The following ACOXL variants were observed in gnomAD, a reference collection of about 807,000 sequenced individuals.
ACOXL encodes the protein acyl-coenzyme A oxidase-like protein.
ACOXL carries 70 observed loss-of-function variants against 71.9 expected under a neutral mutation model. The ratio of observed to expected loss-of-function variants is 0.97; its 90% CI spans 0.80 to 1.19. The LOEUF is 1.19. Ranked by LOEUF, ACOXL falls within the 50% of genes most tolerant of loss-of-function variation. The pLI is 0.00. For missense variants in ACOXL, 703 were observed against 736.3 expected, an observed-to-expected ratio of 0.95 and a Z score of 0.52; for synonymous variants, 253 against 281.6, an observed-to-expected ratio of 0.90 and a Z score of 1.02.
chr2:111,020,454 C>G (rs1473011339), intron 14 of ACOXL, among the ~76,000 whole-genome samples: 3 of 152,132 alleles, frequency 2.0e-5, no homozygotes, highest in South Asian at 4.1e-4. Context: ...TTCTTGAAAC[C>G]AGGAGGAGGT....
At chr2:110,867,136 TTAGGTGCGACTGGAGAA>T (rs1694704928) in intron 10 of ACOXL, among the ~76,000 whole-genome samples, 1 of 151,956 alleles carries the variant, frequency 6.6e-6, no homozygotes, top group Non-Finnish European at 1.5e-5. Context: ...TGCTGGGAAG[TTAGGTGCGACTGGAGAA>T]TAAGGCCCTG....
At chr2:110,969,502 C>T (rs746535285) in intron 12 of ACOXL, among the ~76,000 whole-genome samples, 99 of 152,012 alleles carry the variant, frequency 6.5e-4, no homozygotes, top group Non-Finnish European at 1.1e-3. Flanking sequence ...ATCTAGAGAT[C>T]ATGAAGTCAT....
intron 11 of ACOXL, among the ~76,000 whole-genome samples, chr2:110,915,525 G>A (rs1192692042): frequency 6.7e-6 from 1 of 149,714 alleles, no homozygotes; most frequent in African/African-American, 2.5e-5. Flanking sequence ...CCAGGTTCAA[G>A]CAATTCTCCT....
chr2:110,897,608 C>T (rs181760067), intron 10 of ACOXL, among the ~76,000 whole-genome samples: 1 of 152,194 alleles, frequency 6.6e-6, no homozygotes, highest in East Asian at 1.9e-4. Flanking sequence ...TTAGGCCTCA[C>T]CTCCCAACAC....
intron 12 of ACOXL, among the ~76,000 whole-genome samples, chr2:110,970,008 C>A (rs1236337025): frequency 6.6e-6 from 1 of 152,024 alleles, no homozygotes; most frequent in Non-Finnish European, 1.5e-5. Flanking sequence ...AAAAATAAAT[C>A]TCCTGGCCTT....
chr2:110,811,109 T>G (rs1687263018), intron 9 of ACOXL, among the ~76,000 whole-genome samples: 1 of 152,152 alleles, frequency 6.6e-6, no homozygotes, highest in South Asian at 2.1e-4. Flanking sequence ...AGATGAGATT[T>G]GGGGGGAACA....
At chr2:110,964,762 T>TC (rs1418900260) in intron 12 of ACOXL, among the ~76,000 whole-genome samples, 1 of 152,248 alleles carries the variant, frequency 6.6e-6, no homozygotes, top group Non-Finnish European at 1.5e-5. Flanking sequence ...TGTATAATGA[T>TC]CAAGCCAGAG....
At chr2:111,103,590 G>T (rs2150058198) in intron 17 of ACOXL, among the ~76,000 whole-genome samples, 1 of 152,284 alleles carries the variant, frequency 6.6e-6, no homozygotes, top group East Asian at 1.9e-4. Flanking sequence ...GGGGATGCAG[G>T]TGTCCTATTA....
chr2:110,770,578 C>G (rs370187631), intron 2 of ACOXL, among the ~76,000 whole-genome samples: 1 of 152,202 alleles, frequency 6.6e-6, no homozygotes, highest in African/African-American at 2.4e-5. Flanking sequence ...CGTAAAAAAT[C>G]ATTTCATACC....
chr2:111,079,318 A>G (rs1229014877), intron 16 of ACOXL, among the ~76,000 whole-genome samples: 2 of 152,136 alleles, frequency 1.3e-5, no homozygotes, highest in African/African-American at 2.4e-5. Context: ...GTGTATATAC[A>G]TTATTTAGTT....
chr2:110,887,579 T>C (rs10196268), intron 10 of ACOXL: 47,473 of 152,292 alleles, frequency 0.31, 7,767 homozygotes, highest in Middle Eastern at 0.38. Flanking sequence ...CACAGCCACC[T>C]GAGTAGCTGG....
rs186956079 is a variant in ACOXL, at chr2:110,807,479, G to A, written c.753+2084G>A. ...CATGAAACAAATGCTGGGTACCCTC[G>A]CCTCCAAGTAACAAGGCAATGTGCA... On this transcript the variant is annotated intron_variant, in intron 9 of 17. Transcript: ENST00000439055. Among the ~76,000 whole-genome samples the A allele has an allele frequency of 1.1e-3, 174 of 152,272 alleles. 1 individual carries two copies. The highest frequency in any genetic ancestry group is 4.0e-3 in the African/African-American group (165 of 41,558).
At chr2:110,950,952 G>A (rs1272456899) in intron 12 of ACOXL, among the ~76,000 whole-genome samples, 1 of 152,016 alleles carries the variant, frequency 6.6e-6, no homozygotes, top group African/African-American at 2.4e-5. Flanking sequence ...GCACCTCTTG[G>A]TGTCTGCCCA....
At chr2:110,801,440 G>A (rs1685980247) in intron 7 of ACOXL, among the ~76,000 whole-genome samples, 1 of 152,160 alleles carries the variant, frequency 6.6e-6, no homozygotes, top group Non-Finnish European at 1.5e-5. Flanking sequence ...CTCCACTCTC[G>A]CTAAGGAGGA....
intron 11 of ACOXL, among the ~76,000 whole-genome samples, chr2:110,931,667 A>G (rs1434016263): frequency 6.6e-6 from 1 of 152,212 alleles, no homozygotes; most frequent in Non-Finnish European, 1.5e-5. Flanking sequence ...CAACAACTCT[A>G]TGAAATAGGA....
intron 9 of ACOXL, among the ~76,000 whole-genome samples, chr2:110,840,552 G>C (rs1691036085): frequency 6.6e-6 from 1 of 152,184 alleles, no homozygotes; most frequent in South Asian, 2.1e-4. Flanking sequence ...GGCTCTGACA[G>C]TTTCAATAAC....
intron 12 of ACOXL, among the ~76,000 whole-genome samples, chr2:110,982,898 C>G (rs1421612870): frequency 6.6e-6 from 1 of 152,190 alleles, no homozygotes; most frequent in Admixed American, 6.5e-5. Flanking sequence ...GTTCAGTGCT[C>G]TGTTCTCATC....
chr2:110,900,123 ACACACACTT>A (rs1168123963), intron 10 of ACOXL, among the ~76,000 whole-genome samples: 1 of 108,866 alleles, frequency 9.2e-6, no homozygotes, highest in East Asian at 2.8e-4. Flanking sequence ...ACACACACAC[ACACACACTT>A]CTTCTAAAAA....
intron 14 of ACOXL, among the ~76,000 whole-genome samples, chr2:111,024,906 A>C (rs914013155): frequency 6.0e-5 from 9 of 149,416 alleles, no homozygotes; most frequent in Non-Finnish European, 8.9e-5. Context: ...TAAATGTATA[A>C]TAATATATAT....
Sources: allele counts gnomAD v4.1 joint callset (sites outside exome capture counted in the v4.1 genomes callset), GRCh38; gene constraint gnomAD v4.1.1; transcripts MANE v1.5; gene names NCBI Gene and HGNC (gene_info 2026-07-23, HGNC 2026-07-21).